The following EDA2R variants were observed in gnomAD, a reference collection of about 807,000 sequenced individuals.
EDA2R encodes ectodysplasin A2 receptor.
A neutral mutation model predicts 20.1 loss-of-function variants in EDA2R; 26 were observed. The ratio of observed to expected loss-of-function variants is 1.30; its 90% CI spans 0.95 to 1.80. EDA2R has a LOEUF of 1.80. EDA2R is among the 40% of genes most tolerant of loss of function. The pLI, the probability that EDA2R is intolerant of heterozygous loss-of-function variation, is 0.00. For synonymous variants in EDA2R, 114 were observed against 88.7 expected, an observed-to-expected ratio of 1.29 and a Z score of -1.60; for missense variants, 277 against 228.7, an observed-to-expected ratio of 1.21 and a Z score of -1.36.
chrX:66,629,187 A>T, intron 1 of EDA2R, among the ~76,000 whole-genome samples: 1 of 111,655 alleles, frequency 9.0e-6, no homozygotes. Context: ...CAACAGACAT[A>T]CCTCAATGTA....
chrX:66,633,711 T>C (rs985128131), intron 1 of EDA2R, among the ~76,000 whole-genome samples: 2 of 111,455 alleles, frequency 1.8e-5, no homozygotes, highest in Non-Finnish European at 3.8e-5. Flanking sequence ...CATGTACCAA[T>C]CACCACAAGA....
intron 1 of EDA2R, among the ~76,000 whole-genome samples, chrX:66,620,005 A>G (rs902003889): frequency 5.4e-5 from 6 of 111,503 alleles, no homozygotes; most frequent in Admixed American, 3.8e-4. Context: ...TTCCCAGTCA[A>G]TATCGACTCC....
At chrX:66,619,343 T>G (rs1176505474) in intron 1 of EDA2R, among the ~76,000 whole-genome samples, 4 of 112,541 alleles carry the variant, frequency 3.6e-5, no homozygotes, top group Non-Finnish European at 7.5e-5. Flanking sequence ...CATTTCTGTA[T>G]AGGATTAACT....
At chrX:66,627,821 C>T (rs780639751) in intron 1 of EDA2R, among the ~76,000 whole-genome samples, 5 of 111,658 alleles carry the variant, frequency 4.5e-5, no homozygotes, top group African/African-American at 6.5e-5. Flanking sequence ...TAACCTATAC[C>T]GTGGAATAAA....
chrX:66,616,348 T>C (rs1228365280), intron 1 of EDA2R, among the ~76,000 whole-genome samples: 1 of 112,511 alleles, frequency 8.9e-6, no homozygotes, highest in African/African-American at 3.2e-5. Flanking sequence ...TCAGTGGCTA[T>C]ACCAGGAGCT....
At chrX:66,629,142 C>A (rs964924732) in intron 1 of EDA2R, among the ~76,000 whole-genome samples, 1 of 111,594 alleles carries the variant, frequency 9.0e-6, no homozygotes, top group African/African-American at 3.3e-5. Context: ...GTCTAGCATC[C>A]CTTTATGATT....
rs765234087 is a variant in EDA2R, at chrX:66,605,153, C to A, written c.161G>T (p.Gly54Val). The stretch of plus-strand genomic sequence containing the variant: ...GATGCAACTCTGACATCTGTGGTGG[C>A]CCCAGCTGCTTTTGTACCTGCGAGG... ...CPPRRYKSSW[G>V]HHRCQSCITC... is the part of the protein sequence containing the mutation. Residue 54 changes from glycine (G) to valine (V), a missense_variant, in exon 3 of 7, where the codon GGC (glycine) becomes GTC (valine). Coordinates refer to ENST00000374719, the MANE Select transcript of EDA2R (RefSeq NM_021783.5). 8.3e-7 allele frequency: 1 copy of A among 1,209,675 alleles called. No homozygotes were observed. Among genetic ancestry groups the A allele is most frequent in the South Asian group, 1.8e-5 (1 of 56,513 alleles).
At chrX:66,604,673 G>A (rs1419487003) in intron 3 of EDA2R, among the ~76,000 whole-genome samples, 167 bp from the exon 4 acceptor site, 1 of 111,697 alleles carries the variant, frequency 9.0e-6, no homozygotes, top group Non-Finnish European at 1.9e-5. Flanking sequence ...CAGAGACCCA[G>A]ACACTCTACT....
chrX:66,636,939 A>AAC (rs35284589), intron 1 of EDA2R, among the ~76,000 whole-genome samples: 57,234 of 99,367 alleles, frequency 0.58, 15,616 homozygotes, highest in East Asian at 0.96. Flanking sequence ...CTGTGTGTAA[A>AAC]ACACACACAC....
At chrX:66,622,601 C>T (rs149245348) in intron 1 of EDA2R, among the ~76,000 whole-genome samples, 5 of 111,910 alleles carry the variant, frequency 4.5e-5, no homozygotes, top group African/African-American at 1.6e-4. Context: ...TCCTCTACTG[C>T]GAGCCCATCT....
At chrX:66,607,801 A>G in intron 2 of EDA2R, among the ~76,000 whole-genome samples, 1 of 111,603 alleles carries the variant, frequency 9.0e-6, no homozygotes, top group East Asian at 2.8e-4. Context: ...TTTAACAACA[A>G]AAAAATAAAT....
At chrX:66,613,314 T>C (rs1331255017) in intron 2 of EDA2R, among the ~76,000 whole-genome samples, 1 of 111,727 alleles carries the variant, frequency 9.0e-6, no homozygotes, top group Non-Finnish European at 1.9e-5. Flanking sequence ...TATGTCTGTC[T>C]ACTTAGGTTC....
chrX:66,620,994 C>T (rs1281167593), intron 1 of EDA2R, among the ~76,000 whole-genome samples: 11 of 105,481 alleles, frequency 1.0e-4, no homozygotes, highest in Non-Finnish European at 2.0e-4. Flanking sequence ...AAAAAATAGC[C>T]GGCCAGGCAC....
chrX:66,622,717 C>T lies in EDA2R; in HGVS notation c.-10-6687G>A, dbSNP rs1932778151. Among the ~76,000 whole-genome samples the T allele has an allele frequency of 1.8e-5, 2 of 111,901 alleles. 1 individual carries two copies. The highest frequency in any genetic ancestry group is 7.5e-4 in the South Asian group (2 of 2,672). ...TCTAAACTGTACAGTGCCATCATTT[C>T]CAGATGCCTGGCCTGTAATTCAAAT... On this transcript the variant is annotated intron_variant, in intron 1 of 6. Transcript: ENST00000374719.
At chrX:66,620,920 A>G (rs1454675170) in intron 1 of EDA2R, among the ~76,000 whole-genome samples, 3 of 105,025 alleles carry the variant, frequency 2.9e-5, no homozygotes, top group Non-Finnish European at 5.9e-5. Flanking sequence ...CAACAAAGGG[A>G]ATGAAAATGA....
chrX:66,612,224 G>C (rs1024414758), intron 2 of EDA2R, among the ~76,000 whole-genome samples: 4 of 111,406 alleles, frequency 3.6e-5, no homozygotes, highest in Non-Finnish European at 5.7e-5. Context: ...GAGTGGAAGT[G>C]ATAAAAGAAG....
At chrX:66,600,111 C>T in intron 5 of EDA2R, 2 of 1,135,968 alleles carry the variant, frequency 1.8e-6, no homozygotes, top group Non-Finnish European at 2.3e-6. Flanking sequence ...GAAAAAGAAA[C>T]CTTTGTGGGA....
rs185905396 is a variant in EDA2R at position 66,614,674 on chromosome X, C to T, written c.87+1260G>A. Among the ~76,000 whole-genome samples, 3 of 112,135 alleles carry T rather than the reference C, an allele frequency of 2.7e-5. No homozygotes were observed. In the Admixed American group the frequency reaches 2.8e-4, roughly 11 times the overall value. On this transcript the variant is annotated intron_variant, in intron 2 of 6. Transcript: ENST00000374719. ...TTAGTGCTTGTATCTCTTGATATCC[C>T]TGCGCCTTATTCTCTTCATTTTTTA...
intron 1 of EDA2R, among the ~76,000 whole-genome samples, chrX:66,629,546 A>G (rs1270500518): frequency 1.8e-5 from 2 of 111,885 alleles, no homozygotes; most frequent in African/African-American, 6.5e-5. Context: ...ATACACCAAC[A>G]GTGACAAAGT....
Sources: allele counts gnomAD v4.1 joint callset (sites outside exome capture counted in the v4.1 genomes callset), GRCh38; gene constraint gnomAD v4.1.1; transcripts MANE v1.5; gene names NCBI Gene and HGNC (gene_info 2026-07-23, HGNC 2026-07-21).